Variants in KAT2B observed in about 807,000 individuals in gnomAD.
KAT2B encodes histone acetyltransferase KAT2B.
In KAT2B, 36 loss-of-function variants were observed where a neutral mutation model predicts 105.9. The observed-to-expected ratio is 0.34, with a 90% CI of 0.26 to 0.45. KAT2B has a LOEUF of 0.45. KAT2B is among the 20% of genes least tolerant of loss of function. The probability of loss-of-function intolerance (pLI) is 1.00; values close to 1 mark genes in which losing one functional copy is unlikely to be tolerated. For synonymous variants in KAT2B, 397 were observed against 377.9 expected (o/e 1.05, Z -0.59); for missense variants, 820 against 1,021.6 (o/e 0.80, Z 2.69).
At chr3:20,139,587 TAA>T (rs1327432635) in intron 12 of KAT2B, among the ~76,000 whole-genome samples, 1 of 151,968 alleles carries the variant, frequency 6.6e-6, no homozygotes, top group Non-Finnish European at 1.5e-5. Flanking sequence ...AATAGATACT[TAA>T]GGCAAATTAT....
intron 1 of KAT2B, among the ~76,000 whole-genome samples, chr3:20,052,150 G>A (rs2929405): frequency 0.06 from 9,061 of 152,284 alleles, 311 homozygotes; most frequent in Non-Finnish European, 0.076. Flanking sequence ...ATTCCAGTCT[G>A]TTCTTAAATG....
At chr3:20,125,834 T>C (rs1699392647) in intron 9 of KAT2B, 71 bp from the exon 10 acceptor site, 2 of 1,229,758 alleles carry the variant, frequency 1.6e-6, no homozygotes, top group Non-Finnish European at 1.2e-6. Flanking sequence ...ATGAGAAGCT[T>C]GGATGTGTCC....
intron 1 of KAT2B, among the ~76,000 whole-genome samples, chr3:20,062,798 C>A (rs1698160926): frequency 6.6e-6 from 1 of 151,940 alleles, no homozygotes; most frequent in African/African-American, 2.4e-5. Context: ...AGCATCTTTT[C>A]ATGTGTTTAT....
chr3:20,061,332 G>A (rs1047832945), intron 1 of KAT2B, among the ~76,000 whole-genome samples: 3 of 152,046 alleles, frequency 2.0e-5, no homozygotes, highest in Admixed American at 2.0e-4. Context: ...TTATATAATA[G>A]CCCTTTGAAT....
At chr3:20,147,644 A>G (rs1331320716) in intron 14 of KAT2B, among the ~76,000 whole-genome samples, 1 of 152,220 alleles carries the variant, frequency 6.6e-6, no homozygotes, top group Non-Finnish European at 1.5e-5. Context: ...TTACAGGGTG[A>G]TCAGCCCAAA....
chr3:20,106,140 TCA>T (rs1698998010), intron 5 of KAT2B, among the ~76,000 whole-genome samples: 1 of 152,222 alleles, frequency 6.6e-6, no homozygotes. Context: ...TCTTCTGTGT[TCA>T]CATTTTTAAT....
chr3:20,067,279 T>C (rs1559516406), intron 1 of KAT2B, among the ~76,000 whole-genome samples: 1 of 152,206 alleles, frequency 6.6e-6, no homozygotes, highest in Non-Finnish European at 1.5e-5. Flanking sequence ...CATTAAGCAC[T>C]CTATCACAAG....
intron 13 of KAT2B, among the ~76,000 whole-genome samples, chr3:20,141,812 A>G (rs1364811023): frequency 6.6e-6 from 1 of 151,204 alleles, no homozygotes; most frequent in Admixed American, 6.6e-5. Context: ...GAAAATACAA[A>G]CAACTTTTGT....
chr3:20,152,186 G>T, intron 17 of KAT2B, 146 bp from the exon 18 acceptor site: 1 of 548,268 alleles, frequency 1.8e-6, no homozygotes, highest in African/African-American at 1.9e-5. Context: ...TGTTTTCCTT[G>T]GTCATAAGAA....
intron 1 of KAT2B, among the ~76,000 whole-genome samples, chr3:20,043,423 C>T (rs1350052905): frequency 6.6e-6 from 1 of 152,160 alleles, no homozygotes; most frequent in Non-Finnish European, 1.5e-5. Flanking sequence ...TTCAGAAAAA[C>T]TACTTTCTTG....
At chr3:20,069,745 G>GGTCT (rs1698286226) in intron 1 of KAT2B, among the ~76,000 whole-genome samples, 1 of 151,944 alleles carries the variant, frequency 6.6e-6, no homozygotes, top group African/African-American at 2.4e-5. Flanking sequence ...TGGCCAGGAT[G>GGTCT]GTCTTGAACT....
rs756532890 is a variant in KAT2B at position 20,125,997 on chromosome 3, C to T, written c.1506C>T (p.Ser502=). Residue 502 remains serine (S), a synonymous_variant, in exon 10 of 18, where the codon TCC becomes TCT. Transcript: ENST00000263754. Reference sequence around the variant, plus strand: ...TTGAATTTCACGTGGTTGGCAATTCCCTCAACCAGAAACCAAACAAGAAGA... The same window carrying T: ...TTGAATTTCACGTGGTTGGCAATTCTCTCAACCAGAAACCAAACAAGAAGA... ...GVIEFHVVGN[S]LNQKPNKKIL... 2 of 1,613,922 alleles carry T rather than the reference C, an allele frequency of 1.2e-6. No individual in the cohort carries two copies. The highest frequency in any genetic ancestry group is 1.7e-5 in the Admixed American group (1 of 59,996).
At chr3:20,112,302 C>G (rs1387723930) in intron 6 of KAT2B, among the ~76,000 whole-genome samples, 1 of 152,058 alleles carries the variant, frequency 6.6e-6, no homozygotes, top group East Asian at 1.9e-4. Flanking sequence ...GAATAGAGAG[C>G]TCCTTCAGCG....
At chr3:20,048,331 T>C (rs1697851779) in intron 1 of KAT2B, among the ~76,000 whole-genome samples, 1 of 152,240 alleles carries the variant, frequency 6.6e-6, no homozygotes, top group Admixed American at 6.5e-5. Context: ...GAAAGTGTTT[T>C]ACAGGGCAAA....
chr3:20,118,977 T>G (rs2125171992), intron 7 of KAT2B, among the ~76,000 whole-genome samples: 1 of 152,120 alleles, frequency 6.6e-6, no homozygotes, highest in East Asian at 1.9e-4. Context: ...GTCTTCTGTT[T>G]TTGCCTCTTG....
Position 20,050,189 on chromosome 3 carries a change from G to A in KAT2B, c.303+9409G>A, listed in dbSNP as rs1241265655. Reference sequence around the variant, plus strand: ...CACTCTAGCCTGGGCAATGGAGTGAGACCCTGTCTCAAAAAAAAAAAAAAA... The same window carrying A: ...CACTCTAGCCTGGGCAATGGAGTGAAACCCTGTCTCAAAAAAAAAAAAAAA... On this transcript the variant is annotated intron_variant, in intron 1 of 17. Coordinates refer to ENST00000263754, the MANE Select transcript of KAT2B (RefSeq NM_003884.5). Among the ~76,000 whole-genome samples the A allele has an allele frequency of 2.1e-5, 3 of 141,998 alleles. 1 individual carries two copies. The highest frequency in any genetic ancestry group is 1.4e-4 in the Admixed American group (2 of 14,034). 93.2% of individuals were successfully genotyped at this position (141,998 alleles called of 152,430 possible).
chr3:20,130,854 AGT>A lies in KAT2B; in HGVS notation c.1749+3321_1749+3322del, dbSNP rs60944875. Among the ~76,000 whole-genome samples the A allele has an allele frequency of 3.9e-3, 588 of 150,392 alleles. 14 individuals carry two copies. Among genetic ancestry groups the A allele is most frequent in the Admixed American group, 0.024 (360 of 15,090 alleles). On this transcript the variant is annotated intron_variant, in intron 11 of 17. Transcript: ENST00000263754. ...AAAACAAAATAGAATGGATGAGTTT[AGT>A]GTGTGTGTGTGTGTGCGTGCATGTG...
intron 7 of KAT2B, among the ~76,000 whole-genome samples, chr3:20,119,351 C>A (rs1268170628): frequency 6.6e-6 from 1 of 150,400 alleles, no homozygotes; most frequent in Admixed American, 6.6e-5. Flanking sequence ...GAGCTTTTCT[C>A]ATCTCCACTA....
At chr3:20,068,537 T>C (rs55729941) in intron 1 of KAT2B, among the ~76,000 whole-genome samples, 2,151 of 152,038 alleles carry the variant, frequency 0.014, 42 homozygotes, top group East Asian at 0.06. Flanking sequence ...ACTCATCCTT[T>C]TTTCTTTCTT....
Sources: gnomAD v4.1 joint callset for allele counts (sites outside exome capture counted in the v4.1 genomes callset) on GRCh38, gnomAD v4.1.1 for gene constraint, MANE v1.5 for transcripts, NCBI Gene and HGNC (gene_info 2026-07-23, HGNC 2026-07-21) for gene names.